The following MYO7A variants were observed in gnomAD, a reference collection of about 807,000 sequenced individuals.
MYO7A encodes the protein myosin VIIA.
MYO7A carries 210 observed loss-of-function variants against 263.8 expected under a neutral mutation model. The observed-to-expected ratio is 0.80, with a 90% CI of 0.71 to 0.89. The LOEUF is 0.89. Ranked by LOEUF, MYO7A falls within the 40% of genes least tolerant of loss-of-function variation. The pLI is 0.00. For synonymous variants in MYO7A, 1,239 were observed against 1,197.3 expected (o/e 1.03, Z -0.72); for missense variants, 2,820 against 2,968.3 (o/e 0.95, Z 1.16).
Position 77,182,173 on chromosome 11 carries a change from T to G in MYO7A, c.3108+19T>G. The G allele has an allele frequency of 6.2e-6, 10 of 1,612,494 alleles. No homozygotes were observed. Among genetic ancestry groups the G allele is most frequent in the Non-Finnish European group, 8.5e-6 (10 of 1,179,520 alleles). On this transcript the variant is annotated intron_variant, in intron 24 of 48. Transcript: ENST00000409709. ...CCAGCTGGTAAGGCCTGCCTGTCAC[T>G]AGGTCACTGCTGGGTGGGGCCAGGG...
Position 77,190,014 on chromosome 11 carries a change from C to G in MYO7A, c.3631-6C>G. 1 of 1,538,060 alleles carries G rather than the reference C, an allele frequency of 6.5e-7. No homozygotes were observed. Among genetic ancestry groups the G allele is most frequent in the Non-Finnish European group, 8.8e-7 (1 of 1,140,494 alleles). On this transcript the variant is annotated splice_region_variant and splice_polypyrimidine_tract_variant and intron_variant, in intron 28 of 48. Coordinates refer to ENST00000409709, the MANE Select transcript of MYO7A (RefSeq NM_000260.4). ...GGGGCCGCCTCAGCGGGTACTCTGG[C>G]TGCAGTACCTGCGGAACTTCATCCA...
chr11:77,166,428 C>T (rs190143099), intron 15 of MYO7A, among the ~76,000 whole-genome samples: 12 of 152,260 alleles, frequency 7.9e-5, no homozygotes, highest in South Asian at 2.1e-4. Context: ...GGTCAGGGAT[C>T]GGTTTACTGT....
At chr11:77,205,645 G>A in intron 40 of MYO7A, 28 bp downstream of exon 40, 1 of 1,611,978 alleles carries the variant, frequency 6.2e-7, no homozygotes, top group Non-Finnish European at 8.5e-7. Context: ...GGCAGGGACA[G>A]ACACTGGGGC....
In MYO7A at chr11:77,198,542, G is replaced by A. The variant is rs751769391; in HGVS notation, c.4489G>A (p.Gly1497Ser). The part of the protein sequence containing the change: ...NDVIVAVNWT[G>S]VYFVDEQEQV... The stretch of plus-strand genomic sequence containing the variant: ...CGTCATCGTGGCCGTCAACTGGACG[G>A]GTGTGTACTTTGTGGATGAGCAGGA... The change falls in exon 34 of 49, where the codon GGT becomes AGT. Residue 1497 changes from glycine to serine, a missense_variant. By Grantham distance (56) the Gly-to-Ser change is moderately conservative. Coordinates refer to ENST00000409709, the MANE Select transcript of MYO7A (RefSeq NM_000260.4). 1 of 1,613,950 alleles carries A rather than the reference G, an allele frequency of 6.2e-7. No individual in the cohort carries two copies. The highest frequency in any genetic ancestry group is 1.1e-5 in the South Asian group (1 of 91,080).
At chr11:77,193,307 G>A (rs1242990204) in intron 31 of MYO7A, among the ~76,000 whole-genome samples, 2 of 147,464 alleles carry the variant, frequency 1.4e-5, no homozygotes, top group Admixed American at 6.8e-5. Flanking sequence ...GGTGATGACA[G>A]TGTTGTGGGT....
At position 77,207,354 on chromosome 11, in the gene MYO7A, C is replaced by G. The variant is rs1333178764; in HGVS notation, c.5808C>G (p.Leu1936=). ...DFCQNIATRL[L]LKSSEGFSLF... ...GCCAGAACATCGCCACCAGGCTGCT[C>G]CTCAAGTCCTCAGAGGGATTCAGCC... The change falls in exon 42 of 49, where the codon CTC becomes CTG. Residue 1936 remains leucine, a synonymous_variant. Transcript: ENST00000409709. 1.2e-6 allele frequency: 2 copies of G among 1,612,392 alleles called. No homozygotes were observed. The highest frequency in any genetic ancestry group is 8.5e-7 in the Non-Finnish European group (1 of 1,179,344).
rs1174669578 is a variant in MYO7A at position 77,179,913 on chromosome 11, G to T, written c.2546G>T (p.Gly849Val). The T allele has an allele frequency of 2.0e-6, 3 of 1,535,336 alleles. No homozygotes were observed. Among genetic ancestry groups the T allele is most frequent in the Admixed American group, 3.9e-5 (2 of 50,888 alleles). The change falls in exon 21 of 49, where the codon GGC (glycine) becomes GTC (valine). Residue 849 changes from glycine to valine, a missense_variant. Coordinates refer to ENST00000409709, the MANE Select transcript of MYO7A (RefSeq NM_000260.4). ...AVLTVQAYAR[G>V]MIARRLHQRL... ...CTCACCGTGCAGGCCTATGCCCGGGGCATGATCGCCCGCAGGCTGCACCAA... is the reference window on the plus strand; with the variant it reads ...CTCACCGTGCAGGCCTATGCCCGGGTCATGATCGCCCGCAGGCTGCACCAA...
intron 1 of MYO7A, among the ~76,000 whole-genome samples, chr11:77,130,122 T>G (rs1950727115): frequency 1.3e-5 from 2 of 152,244 alleles, no homozygotes; most frequent in Non-Finnish European, 2.9e-5. Context: ...AGGCAGGGTG[T>G]GCTGTGAGCA....
rs751639889 is a variant in MYO7A, at chr11:77,192,158, C to T, written c.4032C>T (p.Leu1344=). 9.9e-6 allele frequency: 16 copies of T among 1,613,904 alleles called. No homozygotes were observed. In the East Asian group the frequency reaches 2.9e-4, roughly 29 times the overall value. Residue 1344 remains leucine (L), a synonymous_variant, in exon 31 of 49, where the codon CTC becomes CTT. Coordinates refer to ENST00000409709, the MANE Select transcript of MYO7A (RefSeq NM_000260.4). The part of the protein sequence containing the change: ...GAQERNAPWR[L]FFRKEVFTPW... The stretch of plus-strand genomic sequence containing the variant: ...AGGAGCGCAACGCCCCCTGGAGGCT[C>T]TTCTTCCGCAAAGAGGTCTTCACGC...
At chr11:77,140,300 G>A (rs1161107060) in intron 2 of MYO7A, among the ~76,000 whole-genome samples, 2 of 152,164 alleles carry the variant, frequency 1.3e-5, no homozygotes, top group Admixed American at 6.5e-5. Context: ...TCTGGGCGGG[G>A]GAGGACTCTA....
intron 2 of MYO7A, among the ~76,000 whole-genome samples, chr11:77,139,837 G>A (rs191420070): frequency 1.3e-5 from 2 of 152,134 alleles, no homozygotes; most frequent in East Asian, 1.9e-4. Flanking sequence ...CAGTTTCCTC[G>A]GCTGTAAAAT....
In MYO7A at chr11:77,182,580, G is replaced by A. The variant is rs1955332274; in HGVS notation, c.3265G>A (p.Ala1089Thr). 1 of 1,612,916 alleles carries A rather than the reference G, an allele frequency of 6.2e-7. No individual in the cohort carries two copies. Among genetic ancestry groups the A allele is most frequent in the Admixed American group, 1.7e-5 (1 of 60,002 alleles). The change falls in exon 25 of 49, where the codon GCC becomes ACC. Residue 1089 changes from alanine to threonine, a missense_variant. By Grantham distance (58) the Ala-to-Thr change is moderately conservative. Transcript: ENST00000409709. ...GKKTYKRELQ[A>T]LQGEGEAQLP... is the part of the protein sequence containing the mutation. ...GAAGACGTACAAGAGGGAGCTGCAG[G>A]CCCTGCAGGGCGAGGGCGAGGTGAG...
At chr11:77,184,534 C>T in intron 26 of MYO7A, 54 bp from the exon 27 acceptor site, 1 of 1,492,002 alleles carries the variant, frequency 6.7e-7, no homozygotes, top group Non-Finnish European at 9.1e-7. Context: ...GGTGCCCTGG[C>T]TGGCAGGGGA....
chr11:77,170,176 G>A (rs782409755), intron 15 of MYO7A, among the ~76,000 whole-genome samples: 23 of 152,198 alleles, frequency 1.5e-4, no homozygotes, highest in African/African-American at 3.1e-4. Context: ...GGAATGCGGC[G>A]GTGGGACTCT....
At position 77,190,086 on chromosome 11, in the gene MYO7A, A is replaced by T; in HGVS notation, c.3697A>T (p.Arg1233Trp). 2 of 1,579,646 alleles carry T rather than the reference A, an allele frequency of 1.3e-6. No individual in the cohort carries two copies. Among genetic ancestry groups the T allele is most frequent in the Admixed American group, 1.8e-5 (1 of 54,770 alleles). ...CCCGTACTGTGAGGAGCGCCTGAGA[A>T]GGACCTTTGTCAATGGGACACGGAC... is the stretch of plus-strand genomic sequence containing the variant. ...YAPYCEERLR[R>W]TFVNGTRTQP... is the part of the protein sequence containing the mutation. Residue 1233 changes from arginine to tryptophan, a missense_variant, in exon 29 of 49, where the codon AGG (arginine) becomes TGG (tryptophan). Arg to Trp is a moderately radical substitution (Grantham distance 101). Transcript: ENST00000409709.
Position 77,208,487 on chromosome 11 carries a change from T to G in MYO7A, c.5914T>G (p.Trp1972Gly), listed in dbSNP as rs1221668537. 6 of 1,613,660 alleles carry G rather than the reference T, an allele frequency of 3.7e-6. No homozygotes were observed. Among genetic ancestry groups the G allele is most frequent in the Non-Finnish European group, 4.2e-6 (5 of 1,179,780 alleles). Residue 1972 changes from tryptophan to glycine, a missense_variant, in exon 43 of 49, where the codon TGG becomes GGG. Coordinates refer to ENST00000409709, the MANE Select transcript of MYO7A (RefSeq NM_000260.4). ...FFDFVRHLTD[W>G]IKKARPIKDG... ...TGACTTTGTTCGACACTTGACAGAC[T>G]GGATAAAGAAAGCTCGGCCCATCAA... is the stretch of plus-strand genomic sequence containing the variant.
At position 77,180,470 on chromosome 11, in the gene MYO7A, C is replaced by T. The variant is rs781916427; in HGVS notation, c.2683C>T (p.Arg895Cys). ...CAAGAAGGCCAAGGAGGAGGCCGAG[C>T]GCAAGCATCAGGTGAGCTGAGAGCC... ...SAKKAKEEAE[R>C]KHQERLAQLA... The change falls in exon 22 of 49, where the codon CGC becomes TGC. Residue 895 changes from arginine to cysteine, a missense_variant. Coordinates refer to ENST00000409709, the MANE Select transcript of MYO7A (RefSeq NM_000260.4). 12 of 1,612,082 alleles carry T rather than the reference C, an allele frequency of 7.4e-6. No homozygotes were observed. The Middle Eastern group carries it at 6.6e-4, about 88-fold the overall frequency.
In MYO7A at chr11:77,211,171, G is replaced by A. The variant is rs770778096; in HGVS notation, c.6071G>A (p.Arg2024Gln). Residue 2024 changes from arginine (R) to glutamine (Q), a missense_variant, in exon 45 of 49, where the codon CGA (arginine) becomes CAA (glutamine). Transcript: ENST00000409709. ...HYYQELPKYL[R>Q]GYHKCTREEV... ...TGACAGGAGTTGCCCAAGTATCTCC[G>A]AGGCTACCACAAGTGCACGCGGGAG... The A allele has an allele frequency of 1.4e-5, 22 of 1,586,124 alleles. No homozygotes were observed. Among genetic ancestry groups the A allele is most frequent in the African/African-American group, 4.0e-5 (3 of 74,342 alleles).
intron 5 of MYO7A, among the ~76,000 whole-genome samples, 182 bp downstream of exon 5, chr11:77,156,273 T>A (rs1952451863): frequency 6.6e-6 from 1 of 152,112 alleles, no homozygotes; most frequent in Non-Finnish European, 1.5e-5. Flanking sequence ...CTTTCTGGGG[T>A]CTTATATCTC....
Sources: allele counts gnomAD v4.1 joint callset (sites outside exome capture counted in the v4.1 genomes callset), GRCh38; gene constraint gnomAD v4.1.1; transcripts MANE v1.5; gene names NCBI Gene and HGNC (gene_info 2026-07-23, HGNC 2026-07-21).